PCDHA7: variants seen among roughly 807,000 people sequenced by gnomAD.
The protein encoded by PCDHA7 is protocadherin alpha 7, also known as protocadherin alpha-7.
In PCDHA7, 37 loss-of-function variants were observed where a neutral mutation model predicts 57.2. The observed-to-expected ratio is 0.65, with a 90% CI of 0.50 to 0.85. The LOEUF is 0.85. Ranked by LOEUF, PCDHA7 falls within the 40% of genes least tolerant of loss-of-function variation. The pLI is 0.00. For synonymous variants in PCDHA7, 553 were observed against 558.8 expected (o/e 0.99, Z 0.15); for missense variants, 1,188 against 1,241.8 (o/e 0.96, Z 0.65).
At chr5:140,846,369 CTTTCTTTT>C (rs1383135260) in intron 1 of PCDHA7, among the ~76,000 whole-genome samples, 4 of 102,192 alleles carry the variant, frequency 3.9e-5, no homozygotes, top group Admixed American at 2.1e-4. Context: ...TCTTTTCTTT[CTTTCTTTT>C]TTTTTTTTTT....
chr5:140,873,191 C>T (rs1554166611), intron 1 of PCDHA7, among the ~76,000 whole-genome samples: 1 of 151,960 alleles, frequency 6.6e-6, no homozygotes, highest in African/African-American at 2.4e-5. Context: ...TATTCATTGG[C>T]TAAAAACATT....
intron 1 of PCDHA7, chr5:140,843,458 C>T: frequency 6.3e-7 from 1 of 1,596,092 alleles, no homozygotes; most frequent in Non-Finnish European, 8.6e-7. Flanking sequence ...CCTGCTGGTG[C>T]TCACGCTGCT....
At position 140,835,970 on chromosome 5, in the gene PCDHA7, G is replaced by A; in HGVS notation, c.1587G>A (p.Glu529=). 1 of 1,613,320 alleles carries A rather than the reference G, an allele frequency of 6.2e-7. No individual in the cohort carries two copies. Among genetic ancestry groups the A allele is most frequent in the Non-Finnish European group, 8.5e-7 (1 of 1,179,712 alleles). ...AGCCGTTGGACCACGAGGAGCTGGA[G>A]CTGTTGCAGTTCCAGGTGAGCGCGC... ...ALQPLDHEEL[E]LLQFQVSARD... is the part of the protein sequence containing the mutation. The change falls in exon 1 of 4, where the codon GAG becomes GAA. Residue 529 remains glutamate, a synonymous_variant. Transcript: ENST00000525929.
chr5:140,849,798 C>T (rs1356253349), intron 1 of PCDHA7: 4 of 1,598,532 alleles, frequency 2.5e-6, no homozygotes, highest in Non-Finnish European at 3.4e-6. Context: ...CTCGCCTTCA[C>T]TGTGGGCCAC....
rs2150253080 is a variant in PCDHA7 at position 140,836,109 on chromosome 5, G to C, written c.1726G>C (p.Ala576Pro). 6.2e-7 allele frequency: 1 copy of C among 1,613,728 alleles called. No individual in the cohort carries two copies. The highest frequency in any genetic ancestry group is 8.5e-7 in the Non-Finnish European group (1 of 1,179,774). The part of the protein sequence containing the change: ...LAPRVGGTGG[A>P]VRELVPRSVG... ...GCCTCGGGTGGGTGGCACTGGTGGC[G>C]CAGTGAGAGAGCTTGTGCCGCGGTC... Residue 576 changes from alanine (A) to proline (P), a missense_variant, in exon 1 of 4, where the codon GCA (alanine) becomes CCA (proline). Ala to Pro is a conservative substitution (Grantham distance 27). Coordinates refer to ENST00000525929, the MANE Select transcript of PCDHA7 (RefSeq NM_018910.3).
At chr5:140,997,884 C>G (rs2097789340) in intron 3 of PCDHA7, among the ~76,000 whole-genome samples, 1 of 152,076 alleles carries the variant, frequency 6.6e-6, no homozygotes, top group African/African-American at 2.4e-5. Context: ...AGTATTTATA[C>G]AGGATAAATT....
chr5:140,869,589 T>A, intron 1 of PCDHA7: 1 of 1,614,120 alleles, frequency 6.2e-7, no homozygotes. Context: ...ATGCTGACAT[T>A]GAAGAGAATG....
intron 1 of PCDHA7, chr5:140,882,379 G>A (rs782537158): frequency 1.9e-6 from 3 of 1,614,230 alleles, no homozygotes; most frequent in South Asian, 1.1e-5. Context: ...CCGTCCCCGA[G>A]GAAGCAAAAC....
intron 1 of PCDHA7, among the ~76,000 whole-genome samples, chr5:140,907,882 G>T (rs895415928): frequency 6.6e-6 from 1 of 152,168 alleles, no homozygotes; most frequent in Non-Finnish European, 1.5e-5. Context: ...GCACTCACAT[G>T]GGATACAAAT....
intron 3 of PCDHA7, among the ~76,000 whole-genome samples, chr5:140,984,867 TA>T (rs1251384308): frequency 6.6e-6 from 1 of 152,180 alleles, no homozygotes; most frequent in Non-Finnish European, 1.5e-5. Context: ...ACACCTATTT[TA>T]TTGAGTTACC....
intron 1 of PCDHA7, among the ~76,000 whole-genome samples, chr5:140,905,708 C>T (rs1372981287): frequency 1.1e-4 from 16 of 152,092 alleles, no homozygotes; most frequent in Non-Finnish European, 1.6e-4. Context: ...TTATGATTTC[C>T]TTCAGCAGTG....
intron 1 of PCDHA7, among the ~76,000 whole-genome samples, chr5:140,973,261 C>G (rs1162687249): frequency 6.6e-6 from 1 of 152,156 alleles, no homozygotes; most frequent in African/African-American, 2.4e-5. Flanking sequence ...TCAGTGGCAC[C>G]TACTTTTATT....
At chr5:140,927,669 T>G in intron 1 of PCDHA7, 1 of 1,614,106 alleles carries the variant, frequency 6.2e-7, no homozygotes. Context: ...AAGCCTTGGA[T>G]CCAGATGAAG....
intron 3 of PCDHA7, among the ~76,000 whole-genome samples, chr5:140,993,462 T>TCTCACA (rs1235362335): frequency 7.1e-6 from 1 of 140,938 alleles, no homozygotes; most frequent in Non-Finnish European, 1.5e-5. Flanking sequence ...TCTTTCTTTC[T>TCTCACA]CACACACACA....
At chr5:140,907,430 T>G (rs1554192988) in intron 1 of PCDHA7, among the ~76,000 whole-genome samples, 1 of 152,244 alleles carries the variant, frequency 6.6e-6, no homozygotes, top group Non-Finnish European at 1.5e-5. Context: ...TAAGGCATTC[T>G]GTGAGTCCAC....
intron 3 of PCDHA7, among the ~76,000 whole-genome samples, chr5:140,994,309 C>T (rs924119174): frequency 1.3e-5 from 2 of 152,072 alleles, no homozygotes; most frequent in African/African-American, 4.8e-5. Context: ...TTCACAGGGC[C>T]CAAACACTCT....
In PCDHA7 at chr5:140,834,406, A is replaced by G; in HGVS notation, c.23A>G (p.Asp8Gly). Residue 8 changes from aspartate (D) to glycine (G), a missense_variant, in exon 1 of 4, where the codon GAC becomes GGC. Asp to Gly is a moderately conservative substitution (Grantham distance 94). This residue lies in a region of PCDHA7 where 194 missense variants were observed against 185.8 expected (regional missense o/e 1.04). Transcript: ENST00000525929. MVCPNGY[D>G]PGGRHLLLFI... Reference sequence around the variant, plus strand: ...GAAATGGTGTGCCCGAATGGATACGACCCAGGGGGCCGACATCTACTGCTG... The same window carrying G: ...GAAATGGTGTGCCCGAATGGATACGGCCCAGGGGGCCGACATCTACTGCTG... 1 of 1,610,156 alleles carries G rather than the reference A, an allele frequency of 6.2e-7. No homozygotes were observed. Among genetic ancestry groups the G allele is most frequent in the Non-Finnish European group, 8.5e-7 (1 of 1,177,626 alleles).
At chr5:140,901,022 A>G (rs2068415143) in intron 1 of PCDHA7, among the ~76,000 whole-genome samples, 1 of 152,166 alleles carries the variant, frequency 6.6e-6, no homozygotes, top group Non-Finnish European at 1.5e-5. Flanking sequence ...AGAAACATCT[A>G]TTCAACTCTT....
chr5:140,974,456 A>G (rs957426015), intron 1 of PCDHA7, among the ~76,000 whole-genome samples: 2 of 152,230 alleles, frequency 1.3e-5, no homozygotes, highest in Non-Finnish European at 2.9e-5. Context: ...AAATGACTAC[A>G]TTCAGAGGAA....
Sources: gnomAD v4.1 joint callset for allele counts (sites outside exome capture counted in the v4.1 genomes callset) on GRCh38, gnomAD v4.1.1 for gene constraint, gnomAD v4.1.1 regional missense constraint, MANE v1.5 for transcripts, NCBI Gene and HGNC (gene_info 2026-07-23, HGNC 2026-07-21) for gene names.